The following NUDT16L1 variants were observed in gnomAD, a reference collection of about 807,000 sequenced individuals.
NUDT16L1 encodes nudix hydrolase 16 like 1.
Under a neutral mutation model 17.3 loss-of-function variants are expected in NUDT16L1, and 19 were observed. The observed-to-expected ratio is 1.10, with a 90% CI of 0.77 to 1.61. The LOEUF is 1.61. Among genes scored for constraint, NUDT16L1 ranks in the 40% most tolerant of loss-of-function variants. NUDT16L1 has a pLI of 0.00. For missense variants in NUDT16L1, 341 were observed against 292.0 expected (o/e 1.17, Z -1.22); for synonymous variants, 255 against 138.6 (o/e 1.84, Z -5.90).
chr16:4,695,720 G>A, exon 3 of NUDT16L1: 1 of 400,282 alleles, frequency 2.5e-6, no homozygotes, highest in Non-Finnish European at 4.4e-6. Flanking sequence ...GTGAACTGTG[G>A]GTGAGGTTTC....
At chr16:4,693,907 G>A (rs780500359) in intron 1 of NUDT16L1, 28 bp downstream of exon 1, 1 of 1,484,934 alleles carries the variant, frequency 6.7e-7, no homozygotes, top group South Asian at 1.3e-5. Flanking sequence ...CGCGGGCGAG[G>A]GTGCCGGCGC....
chr16:4,694,837 C>T (rs995607501), intron 2 of NUDT16L1, 121 bp from the exon 3 acceptor site: 5 of 1,466,196 alleles, frequency 3.4e-6, no homozygotes, highest in East Asian at 2.5e-5. Context: ...CGTGGGTCTC[C>T]CATTAAGTCC....
chr16:4,695,556 G>C (rs1362323640), exon 3 of NUDT16L1: 2 of 452,836 alleles, frequency 4.4e-6, no homozygotes, highest in Non-Finnish European at 7.8e-6. Flanking sequence ...GGATGTGTGG[G>C]TGGAGGATGC....
rs200237673 is a variant in NUDT16L1, at chr16:4,693,888, G to A, written c.153+9G>A. 14 of 1,502,708 alleles carry A rather than the reference G, an allele frequency of 9.3e-6. No homozygotes were observed. In the East Asian group the frequency reaches 1.4e-4, roughly 15 times the overall value. The allele number at this position is 1,502,708 out of a possible 1,614,324, so 93.1% of individuals were successfully genotyped here. Reference sequence around the variant, plus strand: ...TGCGCTTCTCGGTGCTGGTGAGGACGGGCGAGGGCGCGGGCGAGGGTGCCG... The same window carrying A: ...TGCGCTTCTCGGTGCTGGTGAGGACAGGCGAGGGCGCGGGCGAGGGTGCCG... On this transcript the variant is annotated intron_variant, in intron 1 of 2. Coordinates refer to ENST00000304301, the Ensembl canonical transcript of NUDT16L1.
chr16:4,694,282 C>T (rs944370220), intron 2 of NUDT16L1, 44 bp downstream of exon 2: 16 of 1,474,660 alleles, frequency 1.1e-5, no homozygotes, highest in African/African-American at 1.0e-4. Context: ...CGGGGTTTGG[C>T]TCTGGCCCCG....
At chr16:4,694,597 C>G (rs1257724611) in intron 2 of NUDT16L1, 4 of 1,432,592 alleles carry the variant, frequency 2.8e-6, no homozygotes, top group Non-Finnish European at 3.7e-6. Context: ...AACTTGGGAA[C>G]CTCATGTTGG....
intron 2 of NUDT16L1, 117 bp from the exon 3 acceptor site, chr16:4,694,841 T>C: frequency 6.8e-7 from 1 of 1,470,818 alleles, no homozygotes; most frequent in Non-Finnish European, 9.0e-7. Context: ...GGTCTCCCAT[T>C]AAGTCCTTGG....
upstream of NUDT16L1, chr16:4,693,631 C>G (rs540374365): frequency 2.4e-5 from 31 of 1,295,058 alleles, no homozygotes; most frequent in South Asian, 5.8e-4. Flanking sequence ...GGAACCGGAC[C>G]CGGGGGCGCG....
upstream of NUDT16L1, chr16:4,693,571 C>T: frequency 1.2e-6 from 1 of 828,286 alleles, no homozygotes; most frequent in East Asian, 3.7e-5. Flanking sequence ...CGACGACGCA[C>T]CGCGGCGCTG....
At position 4,695,418 on chromosome 16, in the gene NUDT16L1, T is replaced by A. The variant is rs889967252; in HGVS notation, c.*239T>A. The A allele has an allele frequency of 6.7e-6, 4 of 595,048 alleles. No individual in the cohort carries two copies. In the East Asian group the frequency reaches 1.1e-4, roughly 16 times the overall value. The allele number at this position is 595,048 out of a possible 1,614,324, so 36.9% of individuals were successfully genotyped here. On this transcript the variant is annotated 3_prime_UTR_variant, in exon 3 of 3. Transcript: ENST00000304301. The stretch of plus-strand genomic sequence containing the variant: ...GCACACTGGGCCTGCCTCTCCAGCC[T>A]CAGGATGCTCTTGTTTATTCTGGGC...
At chr16:4,695,287 C>G (rs1056685304) in exon 3 of NUDT16L1, 1 of 1,122,532 alleles carries the variant, frequency 8.9e-7, no homozygotes, top group Non-Finnish European at 1.3e-6. Context: ...CTGCCTAGGG[C>G]GAGTGGGCAT....
chr16:4,695,736 AGCTTCACCCCACGTG>A, exon 3 of NUDT16L1: 1 of 398,836 alleles, frequency 2.5e-6, no homozygotes, highest in Non-Finnish European at 4.4e-6. Context: ...GTTTCAAAGT[AGCTTCACCCCACGTG>A]GCTTGGTTCC....
chr16:4,694,167 C>T (rs776239393), exon 2 of NUDT16L1: 2 of 1,582,066 alleles, frequency 1.3e-6, no homozygotes, highest in East Asian at 2.3e-5. Flanking sequence ...CCTGTACGCG[C>T]GGCAGCTGAC....
chr16:4,695,334 G>C (rs976779955), exon 3 of NUDT16L1: 1 of 782,536 alleles, frequency 1.3e-6, no homozygotes, highest in Non-Finnish European at 2.0e-6. Flanking sequence ...CAGTCACTAG[G>C]TGGCGGCCGG....
chr16:4,693,952 C>A (rs762323103), intron 1 of NUDT16L1, 26 bp from the exon 2 acceptor site: 2 of 1,522,070 alleles, frequency 1.3e-6, no homozygotes, highest in Non-Finnish European at 1.7e-6. Context: ...GTCGACCCCG[C>A]GGCTGTGACC....
exon 3 of NUDT16L1, chr16:4,695,331 T>C: frequency 2.5e-6 from 2 of 803,288 alleles, no homozygotes; most frequent in East Asian, 2.7e-5. Context: ...AAGCAGTCAC[T>C]AGGTGGCGGC....
chr16:4,694,816 G>A (rs898573593), intron 2 of NUDT16L1, 142 bp from the exon 3 acceptor site: 1 of 1,448,458 alleles, frequency 6.9e-7, no homozygotes, highest in Non-Finnish European at 9.0e-7. Flanking sequence ...GCTGGCTTCT[G>A]CCAGGCCCTG....
chr16:4,694,125 C>T lies in NUDT16L1; in HGVS notation c.301C>T (p.Leu101=), dbSNP rs750373625. ...CGAGGCCGACTACCTGAGCTCGCAC[C>T]TGACCGAGGGCCCACACCGCGTCGT... Residue 101 remains leucine (L), a synonymous_variant, in exon 2 of 3, where the codon CTG becomes TTG. Coordinates refer to ENST00000304301, the Ensembl canonical transcript of NUDT16L1. 3 of 1,589,682 alleles carry T rather than the reference C, an allele frequency of 1.9e-6. No homozygotes were observed. In the South Asian group the frequency reaches 3.3e-5, roughly 18 times the overall value.
At chr16:4,694,217 C>T in exon 2 of NUDT16L1, 1 of 1,522,170 alleles carries the variant, frequency 6.6e-7, no homozygotes, top group Non-Finnish European at 8.8e-7. Context: ...GCGCGGTGCA[C>T]TCGCGCGACC....
Sources: allele counts gnomAD v4.1 joint callset, GRCh38; gene constraint gnomAD v4.1.1; transcripts MANE v1.5; gene names NCBI Gene and HGNC (gene_info 2026-07-23, HGNC 2026-07-21).